The following RBFOX1 variants were observed in gnomAD, a reference collection of about 807,000 sequenced individuals.
RBFOX1 encodes the protein RNA binding protein fox-1 homolog 1.
A neutral mutation model predicts 57.7 loss-of-function variants in RBFOX1; 8 were observed. That is an observed-to-expected ratio of 0.14 (90% confidence interval 0.08 to 0.25). The LOEUF is 0.25. RBFOX1 is among the 10% of genes least tolerant of loss of function. The pLI, the probability that RBFOX1 is intolerant of heterozygous loss-of-function variation, is 1.00. For missense variants in RBFOX1, 611 were observed against 548.5 expected, an observed-to-expected ratio of 1.11 and a Z score of -1.14; for synonymous variants, 326 against 222.4, an observed-to-expected ratio of 1.47 and a Z score of -4.15.
intron 4 of RBFOX1, among the ~76,000 whole-genome samples, chr16:5,884,609 G>A (rs994910887): frequency 2.0e-5 from 3 of 152,098 alleles, no homozygotes; most frequent in Admixed American, 6.6e-5. Flanking sequence ...GTAGCCATAA[G>A]CCTTTCCCGT....
intron 4 of RBFOX1, among the ~76,000 whole-genome samples, chr16:5,971,868 G>T (rs1015698309): frequency 6.6e-6 from 1 of 152,188 alleles, no homozygotes; most frequent in African/African-American, 2.4e-5. Context: ...TATGTCAGTA[G>T]ACTGAGTAAA....
intron 2 of RBFOX1, among the ~76,000 whole-genome samples, chr16:6,383,456 C>G (rs998170943): frequency 2.0e-5 from 3 of 152,142 alleles, no homozygotes; most frequent in Non-Finnish European, 4.4e-5. Flanking sequence ...GTCCAATTCA[C>G]TGAATGCACC....
At chr16:6,273,162 A>G (rs888400006) in intron 1 of RBFOX1, among the ~76,000 whole-genome samples, 10 of 150,864 alleles carry the variant, frequency 6.6e-5, no homozygotes. Context: ...CGGGAGGCTG[A>G]GGCAGGAGAA....
intron 12 of RBFOX1, among the ~76,000 whole-genome samples, chr16:7,659,819 G>T (rs2067242956): frequency 6.6e-6 from 1 of 152,088 alleles, no homozygotes; most frequent in Non-Finnish European, 1.5e-5. Flanking sequence ...TGATGAATAA[G>T]TGGTCTTTAA....
intron 1 of RBFOX1, among the ~76,000 whole-genome samples, chr16:5,313,770 T>G (rs1009645129): frequency 9.2e-5 from 14 of 152,132 alleles, no homozygotes; most frequent in Non-Finnish European, 1.6e-4. Context: ...CCCCCATGAT[T>G]CAGTTACCTC....
At chr16:6,413,919 C>A (rs2093547792) in intron 2 of RBFOX1, among the ~76,000 whole-genome samples, 2 of 152,276 alleles carry the variant, frequency 1.3e-5, no homozygotes, top group South Asian at 4.1e-4. Flanking sequence ...TGGGGACCTG[C>A]ATTTTAAAGG....
At chr16:6,873,660 G>T (rs562200154) in intron 3 of RBFOX1, among the ~76,000 whole-genome samples, 1 of 152,126 alleles carries the variant, frequency 6.6e-6, no homozygotes, top group Non-Finnish European at 1.5e-5. Context: ...GCATTCATAG[G>T]TTTAGAAGGA....
chr16:6,162,323 C>T (rs551249587), intron 1 of RBFOX1, among the ~76,000 whole-genome samples: 110 of 152,232 alleles, frequency 7.2e-4, no homozygotes, highest in Non-Finnish European at 7.6e-4. Flanking sequence ...ACCATGTTGG[C>T]AGGCCAGTCT....
rs146727203 is a variant in RBFOX1, at chr16:5,842,584, C to T, written c.319-24719C>T. ...TAAACTTATTAAACATTTTTCAAGG[C>T]AAGTGTATGTCTGGCTCTGCTCTAG... On this transcript the variant is annotated intron_variant, in intron 3 of 19. Transcript: ENST00000641259. Among the ~76,000 whole-genome samples the T allele has an allele frequency of 8.4e-3, 1,279 of 152,234 alleles. 16 individuals are homozygous for T. The highest frequency in any genetic ancestry group is 0.029 in the African/African-American group (1,197 of 41,524).
chr16:7,486,589 G>A (rs13334360), intron 4 of RBFOX1, among the ~76,000 whole-genome samples: 25,945 of 152,024 alleles, frequency 0.17, 2,560 homozygotes, highest in East Asian at 0.39. Flanking sequence ...AGGGGAAGGC[G>A]AGCAAAGCAC....
chr16:7,446,714 G>T (rs1213398544), intron 4 of RBFOX1, among the ~76,000 whole-genome samples: 1 of 146,940 alleles, frequency 6.8e-6, no homozygotes, highest in East Asian at 2.1e-4. Flanking sequence ...AGAAACCCCA[G>T]AATTTTTCTC....
chr16:5,473,242 C>T (rs2069199184), intron 2 of RBFOX1, among the ~76,000 whole-genome samples: 1 of 152,090 alleles, frequency 6.6e-6, no homozygotes. Context: ...ATGTCTCATT[C>T]ACTGTGATAG....
chr16:7,339,959 TC>T (rs566848020), intron 4 of RBFOX1, among the ~76,000 whole-genome samples: 40 of 152,296 alleles, frequency 2.6e-4, no homozygotes, highest in African/African-American at 8.9e-4. Flanking sequence ...AAAAGATGGT[TC>T]TTGGCAACTC....
chr16:6,857,012 G>C (rs1295576319), intron 3 of RBFOX1, among the ~76,000 whole-genome samples: 2 of 152,102 alleles, frequency 1.3e-5, no homozygotes, highest in Admixed American at 6.6e-5. Context: ...ACATGCTTTG[G>C]AGTTTTTCAA....
chr16:6,367,971 T>A (rs960906515), intron 2 of RBFOX1, among the ~76,000 whole-genome samples: 1 of 152,178 alleles, frequency 6.6e-6, no homozygotes, highest in South Asian at 2.1e-4. Flanking sequence ...GTATGGCAGG[T>A]AGAAGTAGCA....
At chr16:7,511,290 T>C (rs912579955) in intron 4 of RBFOX1, among the ~76,000 whole-genome samples, 2 of 152,242 alleles carry the variant, frequency 1.3e-5, no homozygotes, top group Admixed American at 6.5e-5. Context: ...GTTTCTCTTG[T>C]TAGTTTCTCA....
chr16:6,036,108 T>C (rs755112136), intron 1 of RBFOX1, among the ~76,000 whole-genome samples: 1 of 152,168 alleles, frequency 6.6e-6, no homozygotes, highest in Non-Finnish European at 1.5e-5. Context: ...GGCAGCCACC[T>C]GAGGGTGACA....
At chr16:6,113,596 A>T (rs1271495834) in intron 1 of RBFOX1, among the ~76,000 whole-genome samples, 15 of 152,150 alleles carry the variant, frequency 9.9e-5, no homozygotes, top group Non-Finnish European at 1.2e-4. Flanking sequence ...GCATTTGTTG[A>T]TATTGAAGCC....
intron 3 of RBFOX1, among the ~76,000 whole-genome samples, chr16:5,716,122 T>G (rs939353307): frequency 4.6e-5 from 7 of 152,254 alleles, no homozygotes; most frequent in Admixed American, 1.3e-4. Flanking sequence ...ATTTCACATG[T>G]GTTTTTTCAT....
Sources: allele counts gnomAD v4.1 joint callset (sites outside exome capture counted in the v4.1 genomes callset), GRCh38; gene constraint gnomAD v4.1.1; transcripts MANE v1.5; gene names NCBI Gene and HGNC (gene_info 2026-07-23, HGNC 2026-07-21).